PUM2: variants seen among roughly 807,000 people sequenced by gnomAD.
The protein encoded by PUM2 is pumilio homolog 2.
A neutral mutation model predicts 124.5 loss-of-function variants in PUM2; 57 were observed. That is an observed-to-expected ratio of 0.46 (90% CI 0.37 to 0.57). The LOEUF (loss-of-function observed/expected upper bound fraction) is 0.57, where lower values mean the gene tolerates loss of function less well. Among genes scored for constraint, PUM2 ranks in the 20% least tolerant of loss-of-function variants. The pLI, the probability that PUM2 is intolerant of heterozygous loss-of-function variation, is 0.00. For synonymous variants in PUM2, 460 were observed against 446.1 expected, an observed-to-expected ratio of 1.03 and a Z score of -0.39; for missense variants, 1,065 against 1,290.6, an observed-to-expected ratio of 0.83 and a Z score of 2.68.
intron 13 of PUM2, among the ~76,000 whole-genome samples, chr2:20,266,000 G>A (rs897597476): frequency 1.3e-5 from 2 of 152,014 alleles, no homozygotes; most frequent in African/African-American, 4.8e-5. Flanking sequence ...CCATATCTAG[G>A]TATTCTTTTA....
intron 13 of PUM2, among the ~76,000 whole-genome samples, chr2:20,271,988 G>C (rs1387456042): frequency 1.3e-5 from 2 of 152,178 alleles, no homozygotes; most frequent in South Asian, 4.2e-4. Flanking sequence ...GTGAAAACCC[G>C]TCTCTACTAA....
intron 13 of PUM2, among the ~76,000 whole-genome samples, chr2:20,270,132 G>T (rs960156787): frequency 1.3e-5 from 2 of 152,154 alleles, no homozygotes; most frequent in Admixed American, 1.3e-4. Context: ...CCCCGCAAAA[G>T]AGTAGTAGTA....
Position 20,281,703 on chromosome 2 carries a change from A to C in PUM2, c.1720+1244T>G, listed in dbSNP as rs537756286. Among the ~76,000 whole-genome samples the C allele has an allele frequency of 3.9e-5, 6 of 152,344 alleles. No individual in the cohort carries two copies. The South Asian group carries it at 1.0e-3, about 26-fold the overall frequency. ...ATGAAAAAACTCAAGTACAAAATTG[A>C]AAAGATTTAACAATCCCCATGTTCA... On this transcript the variant is annotated intron_variant, in intron 12 of 20. Coordinates refer to ENST00000361078, the MANE Select transcript of PUM2 (RefSeq NM_015317.5).
At position 20,251,558 on chromosome 2, in the gene PUM2, T is replaced by C. The variant is rs1204706839; in HGVS notation, c.*27A>G. On this transcript the variant is annotated 3_prime_UTR_variant, in exon 21 of 21. Transcript: ENST00000361078. ...AAAAAATTCTTTTCACATGGTTAAA[T>C]TATCTTCTTTCTCTTGCTCCTGTAA... The C allele has an allele frequency of 1.3e-6, 2 of 1,596,752 alleles. No homozygotes were observed. The highest frequency in any genetic ancestry group is 1.1e-5 in the South Asian group (1 of 87,958).
At chr2:20,328,746 A>G (rs1684249356) in intron 1 of PUM2, among the ~76,000 whole-genome samples, 2 of 152,238 alleles carry the variant, frequency 1.3e-5, no homozygotes, top group Non-Finnish European at 2.9e-5. Flanking sequence ...TTGAAAATAT[A>G]TCAACAAGAT....
At chr2:20,352,193 G>C (rs1689405762), upstream of PUM2, 1 of 152,222 alleles carries the variant, frequency 6.6e-6, no homozygotes, top group Non-Finnish European at 1.5e-5. Context: ...TACTTCCCAA[G>C]TAATTCTGGA....
At chr2:20,328,095 G>T (rs904786680) in intron 1 of PUM2, among the ~76,000 whole-genome samples, 4 of 152,156 alleles carry the variant, frequency 2.6e-5, no homozygotes, top group African/African-American at 9.7e-5. Flanking sequence ...AGCACTTTGG[G>T]AGACCGAGGT....
chr2:20,288,143 T>C (rs533185857), intron 10 of PUM2, among the ~76,000 whole-genome samples: 7 of 152,218 alleles, frequency 4.6e-5, no homozygotes, highest in African/African-American at 1.4e-4. Context: ...GGTTAAACAA[T>C]AGCTATGTGG....
intron 10 of PUM2, among the ~76,000 whole-genome samples, chr2:20,288,385 G>C (rs956955052): frequency 6.6e-6 from 1 of 152,208 alleles, no homozygotes; most frequent in East Asian, 1.9e-4. Context: ...ATTATACTTT[G>C]TAACTGTCAC....
At chr2:20,348,768 C>T (rs1688735999) in intron 1 of PUM2, among the ~76,000 whole-genome samples, 1 of 151,910 alleles carries the variant, frequency 6.6e-6, no homozygotes, top group South Asian at 2.1e-4. Flanking sequence ...ACAAAAAATG[C>T]AAAAATTAGC....
chr2:20,314,489 C>T (rs750327858), intron 3 of PUM2, among the ~76,000 whole-genome samples: 8 of 152,162 alleles, frequency 5.3e-5, no homozygotes, highest in Non-Finnish European at 1.0e-4. Flanking sequence ...TTTGAGGCAA[C>T]ATTCAAATAG....
chr2:20,295,306 T>C (rs1361990967), intron 8 of PUM2, among the ~76,000 whole-genome samples: 1 of 152,218 alleles, frequency 6.6e-6, no homozygotes, highest in Non-Finnish European at 1.5e-5. Context: ...ATTCCTGACT[T>C]ACATAACAAA....
chr2:20,252,924 T>A (rs1477101682), intron 20 of PUM2, among the ~76,000 whole-genome samples: 1 of 152,240 alleles, frequency 6.6e-6, no homozygotes, highest in Admixed American at 6.5e-5. Context: ...CATTACAGTA[T>A]GACTATTTAC....
At chr2:20,320,263 A>G (rs1232838592) in intron 2 of PUM2, among the ~76,000 whole-genome samples, 1 of 152,184 alleles carries the variant, frequency 6.6e-6, no homozygotes. Flanking sequence ...CAAAAAACAA[A>G]CAAACAAAAA....
intron 2 of PUM2, among the ~76,000 whole-genome samples, chr2:20,320,966 AAAT>A (rs1232984181): frequency 3.3e-5 from 5 of 152,246 alleles, no homozygotes; most frequent in African/African-American, 7.2e-5. Context: ...CTCAGTATCA[AAAT>A]AATAACAAAT....
intron 2 of PUM2, among the ~76,000 whole-genome samples, chr2:20,326,554 TCAC>T (rs903040232): frequency 3.9e-5 from 6 of 152,212 alleles, no homozygotes; most frequent in African/African-American, 1.2e-4. Flanking sequence ...AATACAGATG[TCAC>T]CACAAGAGTT....
chr2:20,339,390 T>C (rs1686786118), intron 1 of PUM2, among the ~76,000 whole-genome samples: 3 of 151,994 alleles, frequency 2.0e-5, no homozygotes, highest in Admixed American at 1.3e-4. Flanking sequence ...AAGCATCACT[T>C]AAAAGAAAAA....
chr2:20,254,700 A>AT (rs1302765885), intron 19 of PUM2, among the ~76,000 whole-genome samples, 163 bp downstream of exon 19: 5 of 152,146 alleles, frequency 3.3e-5, no homozygotes, highest in Non-Finnish European at 7.4e-5. Context: ...TGTTATGTAG[A>AT]TTTTTTTAAA....
At chr2:20,313,896 A>G (rs2148641923) in intron 3 of PUM2, among the ~76,000 whole-genome samples, 1 of 151,016 alleles carries the variant, frequency 6.6e-6, no homozygotes, top group Non-Finnish European at 1.5e-5. Context: ...TAATCCCAGT[A>G]CTTTGACAGA....
Sources: allele counts gnomAD v4.1 joint callset (sites outside exome capture counted in the v4.1 genomes callset), GRCh38; gene constraint gnomAD v4.1.1; transcripts MANE v1.5; gene names NCBI Gene and HGNC (gene_info 2026-07-23, HGNC 2026-07-21).